TWSG1: variants seen among roughly 807,000 people sequenced by gnomAD.
The protein encoded by TWSG1 is twisted gastrulation protein homolog 1.
A neutral mutation model predicts 23.0 loss-of-function variants in TWSG1; 15 were observed. The ratio of observed to expected loss-of-function variants is 0.65; its 90% CI spans 0.44 to 1.00. The LOEUF (loss-of-function observed/expected upper bound fraction) is 1.00. TWSG1 is among the 50% of genes least tolerant of loss of function. TWSG1 has a pLI of 0.00. For synonymous variants in TWSG1, 86 were observed against 92.8 expected (o/e 0.93, Z 0.42); for missense variants, 242 against 278.7 (o/e 0.87, Z 0.94).
chr18:9,386,042 G>A (rs1355270444), intron 3 of TWSG1, among the ~76,000 whole-genome samples: 6 of 151,880 alleles, frequency 4.0e-5, no homozygotes, highest in Non-Finnish European at 5.9e-5. Flanking sequence ...GGTGGCGCAT[G>A]CCTGTAGTCC....
intron 3 of TWSG1, among the ~76,000 whole-genome samples, chr18:9,393,705 G>A (rs952066168): frequency 5.9e-5 from 9 of 152,032 alleles, no homozygotes; most frequent in South Asian, 2.1e-4. Context: ...CTACAAGCAC[G>A]CATCATCATG....
chr18:9,356,273 G>A (rs1377930717), intron 2 of TWSG1, among the ~76,000 whole-genome samples: 1 of 152,192 alleles, frequency 6.6e-6, no homozygotes, highest in Non-Finnish European at 1.5e-5. Context: ...TATTAAGAGG[G>A]TGTGAAATAC....
intron 3 of TWSG1, among the ~76,000 whole-genome samples, chr18:9,383,285 C>G (rs984950122): frequency 6.6e-6 from 1 of 151,254 alleles, no homozygotes; most frequent in South Asian, 2.1e-4. Flanking sequence ...ACTCCGCCTC[C>G]CAGGTTCAAA....
intron 3 of TWSG1, among the ~76,000 whole-genome samples, chr18:9,365,391 T>C (rs528109179): frequency 3.3e-5 from 5 of 151,754 alleles, no homozygotes; most frequent in Admixed American, 3.3e-4. Flanking sequence ...GAAGAAAAAA[T>C]TGCCTGAGCG....
chr18:9,393,953 G>T (rs2040723267), intron 3 of TWSG1, among the ~76,000 whole-genome samples: 1 of 152,124 alleles, frequency 6.6e-6, no homozygotes, highest in South Asian at 2.1e-4. Context: ...CCCTCACCCA[G>T]ATTCCCCAGT....
intron 3 of TWSG1, among the ~76,000 whole-genome samples, chr18:9,373,874 G>A (rs989201214): frequency 6.6e-6 from 1 of 151,928 alleles, no homozygotes; most frequent in African/African-American, 2.4e-5. Flanking sequence ...GACTACAATG[G>A]AATTAAATAA....
chr18:9,342,171 A>G (rs1437528498), intron 2 of TWSG1, among the ~76,000 whole-genome samples: 1 of 152,224 alleles, frequency 6.6e-6, no homozygotes, highest in African/African-American at 2.4e-5. Flanking sequence ...CTCTGGAACC[A>G]GGCTATCTGA....
At chr18:9,355,599 A>T (rs1021210554) in intron 2 of TWSG1, among the ~76,000 whole-genome samples, 1 of 152,224 alleles carries the variant, frequency 6.6e-6, no homozygotes, top group Admixed American at 6.5e-5. Context: ...AATTATTTGC[A>T]TGTGGAAATT....
intron 3 of TWSG1, chr18:9,388,289 T>A (rs897490696): frequency 1.3e-5 from 2 of 152,260 alleles, no homozygotes; most frequent in Non-Finnish European, 2.9e-5. Context: ...TTCACTGTTT[T>A]ATGAAGTTCA....
intron 3 of TWSG1, among the ~76,000 whole-genome samples, chr18:9,370,247 G>A (rs1598828763): frequency 6.6e-6 from 1 of 152,012 alleles, no homozygotes; most frequent in South Asian, 2.1e-4. Context: ...GAACCCAGGA[G>A]GTGGAGGTTG....
chr18:9,366,267 G>T (rs1019495075), intron 3 of TWSG1, among the ~76,000 whole-genome samples: 2 of 152,266 alleles, frequency 1.3e-5, no homozygotes, highest in Non-Finnish European at 2.9e-5. Context: ...CCACAGCTTG[G>T]CTCATTTTGC....
At position 9,375,161 on chromosome 18, in the gene TWSG1, C is replaced by G. The variant is rs543551516; in HGVS notation, c.223+15090C>G. On this transcript the variant is annotated intron_variant, in intron 3 of 4. Transcript: ENST00000262120. ...CAGCCTGGGTGACAGAGCGATACTCCGTCTCAAAAAAAAAAAAAAAAAAAA... is the reference window on the plus strand; with the variant it reads ...CAGCCTGGGTGACAGAGCGATACTCGGTCTCAAAAAAAAAAAAAAAAAAAA... 8.7e-3 allele frequency among the ~76,000 whole-genome samples: 811 copies of G among 92,744 alleles called. 2 individuals are homozygous for G. Among genetic ancestry groups the G allele is most frequent in the South Asian group, 0.03 (70 of 2,296 alleles). 60.8% of individuals were successfully genotyped at this position (92,744 alleles called of 152,430 possible).
At chr18:9,354,521 T>C (rs531470498) in intron 2 of TWSG1, among the ~76,000 whole-genome samples, 1 of 152,304 alleles carries the variant, frequency 6.6e-6, no homozygotes, top group East Asian at 1.9e-4. Context: ...TCTACCGTAT[T>C]TTCTGTTTAA....
In TWSG1 at chr18:9,366,619, C is replaced by T. The variant is rs140786859; in HGVS notation, c.223+6548C>T. Among the ~76,000 whole-genome samples, 18 of 152,272 alleles carry T rather than the reference C, an allele frequency of 1.2e-4. No homozygotes were observed. In the East Asian group the frequency reaches 3.5e-3, roughly 29 times the overall value. ...TATGACTCTCTCTTGTATCTCAGGT[C>T]AGATCTAGATAGATCCGTTGGTTCC... On this transcript the variant is annotated intron_variant, in intron 3 of 4. Transcript: ENST00000262120.
At chr18:9,354,472 T>G (rs1351515157) in intron 2 of TWSG1, among the ~76,000 whole-genome samples, 1 of 152,164 alleles carries the variant, frequency 6.6e-6, no homozygotes, top group African/African-American at 2.4e-5. Flanking sequence ...GTAAAATATA[T>G]AAATAACCCA....
chr18:9,398,640 G>T (rs1307689082), intron 4 of TWSG1, among the ~76,000 whole-genome samples: 1 of 151,914 alleles, frequency 6.6e-6, no homozygotes, highest in Non-Finnish European at 1.5e-5. Flanking sequence ...TTAATTTTTA[G>T]TAGAGACAGG....
chr18:9,378,158 CA>C (rs759794748), intron 3 of TWSG1, among the ~76,000 whole-genome samples: 17 of 152,140 alleles, frequency 1.1e-4, no homozygotes, highest in Non-Finnish European at 2.5e-4. Flanking sequence ...AAAATATTTA[CA>C]AAAGTTGTAT....
chr18:9,359,363 C>T (rs1260371926), intron 2 of TWSG1, among the ~76,000 whole-genome samples: 1 of 152,196 alleles, frequency 6.6e-6, no homozygotes, highest in Admixed American at 6.6e-5. Flanking sequence ...ATCCACCAAA[C>T]TCTCTTGACC....
At chr18:9,357,997 A>T (rs2040534829) in intron 2 of TWSG1, among the ~76,000 whole-genome samples, 1 of 152,212 alleles carries the variant, frequency 6.6e-6, no homozygotes, top group South Asian at 2.1e-4. Context: ...AATAGAAATC[A>T]TTTTGTTTTA....
Sources: gnomAD v4.1 joint callset for allele counts (sites outside exome capture counted in the v4.1 genomes callset) on GRCh38, gnomAD v4.1.1 for gene constraint, MANE v1.5 for transcripts, NCBI Gene and HGNC (gene_info 2026-07-23, HGNC 2026-07-21) for gene names.